Variants in ACACA observed in about 807,000 individuals in gnomAD.
ACACA encodes the protein acetyl-CoA carboxylase alpha.
Under a neutral mutation model 296.1 loss-of-function variants are expected in ACACA, and 103 were observed. The ratio of observed to expected loss-of-function variants is 0.35; its 90% CI spans 0.30 to 0.41. The LOEUF is 0.41. Ranked by LOEUF, ACACA falls within the 10% of genes least tolerant of loss-of-function variation. The probability of loss-of-function intolerance (pLI) is 1.00; values close to 1 mark genes in which losing one functional copy is unlikely to be tolerated. For missense variants in ACACA, 1,554 were observed against 2,989.7 expected, an observed-to-expected ratio of 0.52 and a Z score of 11.20; for synonymous variants, 953 against 1,038.6, an observed-to-expected ratio of 0.92 and a Z score of 1.58.
At chr17:37,239,915 G>A (rs930381948) in intron 24 of ACACA, among the ~76,000 whole-genome samples, 2 of 152,200 alleles carry the variant, frequency 1.3e-5, no homozygotes, top group African/African-American at 4.8e-5. Context: ...CTTGTGGCAG[G>A]AAGCAATGTC....
chr17:37,149,747 A>T, intron 45 of ACACA, 117 bp downstream of exon 45: 1 of 870,292 alleles, frequency 1.1e-6, no homozygotes, highest in Non-Finnish European at 1.9e-6. Context: ...AGGGGAAGAG[A>T]TAGACTGAGG....
At chr17:37,180,508 A>G (rs1404710785) in intron 40 of ACACA, among the ~76,000 whole-genome samples, 1 of 152,150 alleles carries the variant, frequency 6.6e-6, no homozygotes, top group Non-Finnish European at 1.5e-5. Flanking sequence ...CAAATTCAGT[A>G]TTCTTTTGAT....
In ACACA at chr17:37,085,878, TG is replaced by T; in HGVS notation, c.*1437del. On this transcript the variant is annotated 3_prime_UTR_variant, in exon 56 of 56. Transcript: ENST00000616317. ...TCAAATGTCTTAGTGATTTCCTCCT[TG>T]GTCATCAGTGACAAATGCAGTTAGC... 2.5e-6 allele frequency: 1 copy of T among 399,070 alleles called. No homozygotes were observed. Among genetic ancestry groups the T allele is most frequent in the Non-Finnish European group, 4.4e-6 (1 of 226,064 alleles). 24.7% of individuals were successfully genotyped at this position (399,070 alleles called of 1,614,324 possible).
chr17:37,402,354 T>C (rs953377655), intron 1 of ACACA, among the ~76,000 whole-genome samples: 1 of 151,760 alleles, frequency 6.6e-6, no homozygotes, highest in African/African-American at 2.4e-5. Flanking sequence ...AAGTTAAGAG[T>C]GCATATGAGA....
At chr17:37,234,452 A>G (rs2080013050) in intron 25 of ACACA, among the ~76,000 whole-genome samples, 1 of 152,186 alleles carries the variant, frequency 6.6e-6, no homozygotes, top group Non-Finnish European at 1.5e-5. Context: ...AAAATCATAC[A>G]TTTACTACCA....
At chr17:37,179,195 C>T in intron 41 of ACACA, 65 bp downstream of exon 41, 1 of 1,603,834 alleles carries the variant, frequency 6.2e-7, no homozygotes, top group Non-Finnish European at 8.5e-7. Context: ...TAATGACCAC[C>T]TCACAGAAAG....
At chr17:37,164,592 A>G (rs1446184574) in intron 41 of ACACA, among the ~76,000 whole-genome samples, 6 of 152,242 alleles carry the variant, frequency 3.9e-5, no homozygotes, top group Non-Finnish European at 5.9e-5. Flanking sequence ...CATTCAAAAA[A>G]TAACACAGTG....
rs188588480 is a variant in ACACA, at chr17:37,180,575, T to C, written c.4932+626A>G. 2.3e-3 allele frequency among the ~76,000 whole-genome samples: 343 copies of C among 152,322 alleles called. 3 individuals carry two copies. The South Asian group carries it at 0.033, about 15-fold the overall frequency. ...GGTGATACACTTTTCTTGCCTTCTA[T>C]TGATAGAAGAAAAATCTGCAGCATA... On this transcript the variant is annotated intron_variant, in intron 40 of 55. Transcript: ENST00000616317.
chr17:37,106,917 C>G (rs1246020041), intron 52 of ACACA, among the ~76,000 whole-genome samples: 1 of 152,130 alleles, frequency 6.6e-6, no homozygotes, highest in East Asian at 1.9e-4. Flanking sequence ...ATTAAAGGAT[C>G]AAACTAAAAT....
At chr17:37,142,311 C>T (rs981404786) in intron 45 of ACACA, among the ~76,000 whole-genome samples, 4 of 152,176 alleles carry the variant, frequency 2.6e-5, no homozygotes, top group Admixed American at 2.6e-4. Flanking sequence ...GGATTGTTGG[C>T]AGGTCACTAA....
At position 37,268,713 on chromosome 17, in the gene ACACA, A is replaced by ATATCTATC. The variant is rs1187101546; in HGVS notation, c.1119+2030_1119+2037dup. Among the ~76,000 whole-genome samples the ATATCTATC allele has an allele frequency of 8.7e-4, 118 of 135,634 alleles. 1 individual carries two copies. Among genetic ancestry groups the ATATCTATC allele is most frequent in the East Asian group, 6.1e-3 (27 of 4,430 alleles). The allele number at this position is 135,634 out of a possible 152,430, so 89.0% of individuals were successfully genotyped here. On this transcript the variant is annotated intron_variant, in intron 10 of 55. Coordinates refer to ENST00000616317, the MANE Select transcript of ACACA (RefSeq NM_198834.3). ...CGTAAAATGTAATATATCTATATCT[A>ATATCTATC]TATCTATCTATCTATCTATCTATCT...
At chr17:37,242,309 A>G (rs906136281) in intron 22 of ACACA, among the ~76,000 whole-genome samples, 1 of 152,088 alleles carries the variant, frequency 6.6e-6, no homozygotes, top group African/African-American at 2.4e-5. Flanking sequence ...TCTTACCAAT[A>G]TCTGTTCAAG....
intron 52 of ACACA, among the ~76,000 whole-genome samples, chr17:37,108,279 C>T (rs115949166): frequency 0.02 from 3,109 of 152,102 alleles, 47 homozygotes; most frequent in East Asian, 0.046. Context: ...CCCAAACTAA[C>T]CATGTAAGAT....
At chr17:37,277,479 T>C (rs1213366105) in intron 6 of ACACA, among the ~76,000 whole-genome samples, 8 of 152,258 alleles carry the variant, frequency 5.3e-5, no homozygotes, top group Admixed American at 5.2e-4. Flanking sequence ...CATTATTGAT[T>C]ACACTGCCAT....
intron 1 of ACACA, chr17:37,358,925 C>T: frequency 3.0e-6 from 3 of 985,116 alleles, no homozygotes; most frequent in Non-Finnish European, 3.6e-6. Flanking sequence ...GGCCCCCTGC[C>T]TGCCGCCGCC....
intron 1 of ACACA, chr17:37,389,226 C>A: frequency 6.4e-7 from 1 of 1,561,974 alleles, no homozygotes; most frequent in Non-Finnish European, 8.7e-7. Flanking sequence ...ATATTAATAC[C>A]AGTCATTTTC....
intron 1 of ACACA, 89 bp downstream of exon 1, chr17:37,406,173 G>A: frequency 6.9e-7 from 1 of 1,443,640 alleles, no homozygotes; most frequent in Non-Finnish European, 9.7e-7. Context: ...AACCTGCTTT[G>A]TGCAATGTCT....
intron 1 of ACACA, among the ~76,000 whole-genome samples, chr17:37,395,279 A>C (rs560349336): frequency 1.3e-5 from 2 of 151,864 alleles, no homozygotes; most frequent in Non-Finnish European, 2.9e-5. Flanking sequence ...AAATACAAAA[A>C]ATTAGTTGGG....
At chr17:37,271,867 G>C (rs2082087413) in intron 9 of ACACA, among the ~76,000 whole-genome samples, 1 of 152,052 alleles carries the variant, frequency 6.6e-6, no homozygotes, top group Non-Finnish European at 1.5e-5. Flanking sequence ...AGCTACTCGG[G>C]AGGCTGCGGC....
Sources: gnomAD v4.1 joint callset for allele counts (sites outside exome capture counted in the v4.1 genomes callset) on GRCh38, gnomAD v4.1.1 for gene constraint, MANE v1.5 for transcripts, NCBI Gene and HGNC (gene_info 2026-07-23, HGNC 2026-07-21) for gene names.